The following CNTNAP5 variants were observed in gnomAD, a reference collection of about 807,000 sequenced individuals.
CNTNAP5 encodes contactin-associated protein-like 5.
CNTNAP5 carries 72 observed loss-of-function variants against 150.2 expected under a neutral mutation model. That is an observed-to-expected ratio of 0.48 (90% CI 0.40 to 0.58). CNTNAP5 has a LOEUF of 0.58. CNTNAP5 is among the 20% of genes least tolerant of loss of function. The probability of loss-of-function intolerance (pLI) is 0.00; values close to 1 mark genes in which losing one functional copy is unlikely to be tolerated. For synonymous variants in CNTNAP5, 672 were observed against 619.8 expected, an observed-to-expected ratio of 1.08 and a Z score of -1.25; for missense variants, 1,636 against 1,626.2, an observed-to-expected ratio of 1.01 and a Z score of -0.10.
intron 13 of CNTNAP5, among the ~76,000 whole-genome samples, chr2:124,689,539 G>T (rs1240207742): frequency 1.3e-5 from 2 of 152,070 alleles, no homozygotes; most frequent in African/African-American, 4.8e-5. Context: ...GTGTTTGCCT[G>T]TCCACATATA....
intron 1 of CNTNAP5, among the ~76,000 whole-genome samples, chr2:124,059,123 G>A (rs755482584): frequency 6.6e-5 from 10 of 152,104 alleles, no homozygotes; most frequent in East Asian, 3.9e-4. Context: ...AGTCCTAGAC[G>A]TAAAATGTGT....
At chr2:124,774,536 T>G (rs552384325) in intron 17 of CNTNAP5, among the ~76,000 whole-genome samples, 1 of 152,364 alleles carries the variant, frequency 6.6e-6, no homozygotes, top group South Asian at 2.1e-4. Context: ...AACTCATATA[T>G]GTGATATGAT....
At chr2:124,414,479 T>C (rs1215938910) in intron 3 of CNTNAP5, among the ~76,000 whole-genome samples, 1 of 152,102 alleles carries the variant, frequency 6.6e-6, no homozygotes, top group African/African-American at 2.4e-5. Flanking sequence ...CATGAGCCTC[T>C]AAGACTATGA....
intron 6 of CNTNAP5, among the ~76,000 whole-genome samples, chr2:124,461,873 G>GAA (rs56211506): frequency 1.6e-4 from 23 of 143,762 alleles, no homozygotes; most frequent in East Asian, 6.1e-4. Context: ...AAAAAAAAAA[G>GAA]AAAAAAAAAG....
intron 21 of CNTNAP5, among the ~76,000 whole-genome samples, chr2:124,876,463 G>A (rs1385466270): frequency 6.6e-6 from 1 of 151,698 alleles, no homozygotes; most frequent in East Asian, 1.9e-4. Context: ...CCTTTTTTAA[G>A]AGGAGAGAAG....
chr2:124,521,466 G>A (rs1470358391), intron 8 of CNTNAP5, among the ~76,000 whole-genome samples: 2 of 152,136 alleles, frequency 1.3e-5, no homozygotes, highest in Non-Finnish European at 2.9e-5. Flanking sequence ...TGGCGATGTG[G>A]GGAGAGGACA....
At chr2:124,199,413 C>CTTTTTTTTTTTT (rs70996049) in intron 1 of CNTNAP5, among the ~76,000 whole-genome samples, 2 of 110,048 alleles carry the variant, frequency 1.8e-5, no homozygotes, top group Admixed American at 1.1e-4. Flanking sequence ...TTCCAAGGTT[C>CTTTTTTTTTTTT]TTTTTTTTTT....
intron 13 of CNTNAP5, among the ~76,000 whole-genome samples, chr2:124,718,953 A>T (rs1354464636): frequency 2.0e-4 from 30 of 151,892 alleles, no homozygotes; most frequent in Admixed American, 2.0e-3. Flanking sequence ...TAAAAAAAAA[A>T]AAAAGAACGG....
chr2:124,215,940 G>C (rs1324500814), intron 1 of CNTNAP5, among the ~76,000 whole-genome samples: 1 of 152,110 alleles, frequency 6.6e-6, no homozygotes, highest in Non-Finnish European at 1.5e-5. Flanking sequence ...AAACAGTAAG[G>C]AAACCTGAAT....
At chr2:124,597,161 A>C (rs1385319888) in intron 11 of CNTNAP5, among the ~76,000 whole-genome samples, 1 of 147,570 alleles carries the variant, frequency 6.8e-6, no homozygotes. Context: ...TAATATTGTT[A>C]TGTGTGAATT....
intron 3 of CNTNAP5, among the ~76,000 whole-genome samples, chr2:124,370,643 G>A (rs140538937): frequency 3.2e-4 from 48 of 152,188 alleles, no homozygotes; most frequent in Non-Finnish European, 5.9e-4. Flanking sequence ...CAAACTGCTG[G>A]TTATTGATTT....
intron 11 of CNTNAP5, among the ~76,000 whole-genome samples, chr2:124,602,666 A>G (rs900536165): frequency 2.6e-5 from 4 of 151,948 alleles, no homozygotes; most frequent in African/African-American, 7.3e-5. Flanking sequence ...CTAATTTTAA[A>G]TTTTTTGTAA....
Position 124,047,796 on chromosome 2 carries a change from T to C in CNTNAP5, c.82+22064T>C, listed in dbSNP as rs150955056. Among the ~76,000 whole-genome samples the C allele has an allele frequency of 1.2e-4, 19 of 152,312 alleles. No individual in the cohort carries two copies. In the South Asian group the frequency reaches 2.5e-3, roughly 20 times the overall value. On this transcript the variant is annotated intron_variant, in intron 1 of 23. Coordinates refer to ENST00000682447, the MANE Select transcript of CNTNAP5 (RefSeq NM_001367498.1). ...CGTTCCTTGCACTCCATGGTATTTA[T>C]TGAGTGTCTGTTGTGTGTAGACAGT...
rs1678768979 is a variant in CNTNAP5, at chr2:124,916,346, CT to C, written c.*2061del. On this transcript the variant is annotated 3_prime_UTR_variant, in exon 24 of 24. Coordinates refer to ENST00000682447, the MANE Select transcript of CNTNAP5 (RefSeq NM_001367498.1). ...TCTTTAAACACTGTTTTCCCCTGCC[CT>C]TTCCTCCCTTTCTTCAATTTTCATT... 6.6e-6 allele frequency among the ~76,000 whole-genome samples: 1 copy of C among 152,038 alleles called. No homozygotes were observed. The highest frequency in any genetic ancestry group is 1.5e-5 in the Non-Finnish European group (1 of 67,982).
At chr2:124,172,263 T>C (rs2104665828) in intron 1 of CNTNAP5, among the ~76,000 whole-genome samples, 1 of 152,328 alleles carries the variant, frequency 6.6e-6, no homozygotes, top group African/African-American at 2.4e-5. Context: ...TTTAAATAAC[T>C]ACTAAAATAT....
At chr2:124,640,367 C>T (rs1032734181) in intron 12 of CNTNAP5, among the ~76,000 whole-genome samples, 2 of 152,182 alleles carry the variant, frequency 1.3e-5, no homozygotes, top group African/African-American at 4.8e-5. Context: ...GTGTGGCCCA[C>T]GCAGGCAGGT....
intron 19 of CNTNAP5, among the ~76,000 whole-genome samples, chr2:124,801,870 T>A (rs314722): frequency 0.92 from 139,880 of 152,206 alleles, 64,406 homozygotes; most frequent in African/African-American, 0.97. Flanking sequence ...GGAGTTAAGG[T>A]TTATTAGAGG....
chr2:124,154,835 A>G (rs1684485693), intron 1 of CNTNAP5, among the ~76,000 whole-genome samples: 1 of 152,106 alleles, frequency 6.6e-6, no homozygotes, highest in South Asian at 2.1e-4. Flanking sequence ...GGAATTTTAA[A>G]TTGCCTGATA....
At chr2:124,653,227 A>G (rs148168713) in intron 13 of CNTNAP5, among the ~76,000 whole-genome samples, 1 of 152,270 alleles carries the variant, frequency 6.6e-6, no homozygotes, top group East Asian at 1.9e-4. Flanking sequence ...TTACAATGGA[A>G]TTTAAAGGGA....
Sources: allele counts gnomAD v4.1 joint callset (sites outside exome capture counted in the v4.1 genomes callset), GRCh38; gene constraint gnomAD v4.1.1; transcripts MANE v1.5; gene names NCBI Gene and HGNC (gene_info 2026-07-23, HGNC 2026-07-21).